ITCH: variants seen among roughly 807,000 people sequenced by gnomAD.
ITCH encodes E3 ubiquitin-protein ligase Itchy homolog.
Under a neutral mutation model 126.8 loss-of-function variants are expected in ITCH, and 28 were observed. That is an observed-to-expected ratio of 0.22 (90% CI 0.16 to 0.30). ITCH has a LOEUF of 0.30. ITCH is among the 10% of genes least tolerant of loss of function. The pLI, the probability that ITCH is intolerant of heterozygous loss-of-function variation, is 1.00. For missense variants in ITCH, 631 were observed against 1,032.4 expected (o/e 0.61, Z 5.33); for synonymous variants, 342 against 340.0 (o/e 1.01, Z -0.06).
intron 2 of ITCH, among the ~76,000 whole-genome samples, chr20:34,387,336 T>A (rs1217599852): frequency 1.3e-5 from 2 of 150,982 alleles, no homozygotes; most frequent in African/African-American, 4.9e-5. Flanking sequence ...AAGTGCTAAG[T>A]ATTGACCCAG....
chr20:34,457,057 G>A (rs6058051), intron 12 of ITCH, among the ~76,000 whole-genome samples: 67,979 of 151,850 alleles, frequency 0.45, 15,772 homozygotes, highest in Non-Finnish European at 0.5. Flanking sequence ...TACCCTATGG[G>A]ACTATTAAGA....
At chr20:34,500,999 G>A (rs1360212320) in intron 23 of ITCH, among the ~76,000 whole-genome samples, 3 of 152,178 alleles carry the variant, frequency 2.0e-5, no homozygotes, top group African/African-American at 7.2e-5. Context: ...ATGTCTGAAG[G>A]ATGGTTTTGC....
intron 21 of ITCH, 38 bp from the exon 22 acceptor site, chr20:34,489,784 T>C (rs1224151870): frequency 1.4e-6 from 2 of 1,387,406 alleles, no homozygotes; most frequent in South Asian, 1.2e-5. Context: ...TTTTGTACAG[T>C]TACCTTAGGA....
intron 23 of ITCH, among the ~76,000 whole-genome samples, chr20:34,496,672 G>A (rs965360046): frequency 3.2e-4 from 48 of 151,750 alleles, no homozygotes; most frequent in Non-Finnish European, 1.3e-4. Context: ...GCGTGGTGGC[G>A]CGTGCCTGTC....
intron 23 of ITCH, among the ~76,000 whole-genome samples, chr20:34,496,353 G>T (rs1310238614): frequency 1.3e-5 from 2 of 152,040 alleles, no homozygotes; most frequent in African/African-American, 4.8e-5. Flanking sequence ...GATATTCTTT[G>T]TTGGATGAAT....
chr20:34,503,756 C>T (rs926804219), intron 23 of ITCH, among the ~76,000 whole-genome samples: 3 of 151,438 alleles, frequency 2.0e-5, no homozygotes, highest in Non-Finnish European at 4.4e-5. Flanking sequence ...AACTTTTACA[C>T]TTACCAGAAT....
chr20:34,457,427 C>T lies in ITCH; in HGVS notation c.1248C>T (p.Val416=), dbSNP rs751077477. The change falls in exon 13 of 25, where the codon GTC becomes GTT. Residue 416 remains valine (V), a synonymous_variant. Coordinates refer to ENST00000374864, the MANE Select transcript of ITCH (RefSeq NM_031483.7). ...RTDSNGRVYF[V]NHNTRITQWE... ...ACAGCAATGGCAGAGTATATTTCGTCAACCACAACACACGAATTACACAAT... is the reference window on the plus strand; with the variant it reads ...ACAGCAATGGCAGAGTATATTTCGTTAACCACAACACACGAATTACACAAT... 2 of 1,613,828 alleles carry T rather than the reference C, an allele frequency of 1.2e-6. No individual in the cohort carries two copies. Among genetic ancestry groups the T allele is most frequent in the South Asian group, 1.1e-5 (1 of 91,040 alleles).
intron 12 of ITCH, 70 bp downstream of exon 12, chr20:34,449,550 A>G: frequency 9.5e-7 from 1 of 1,057,312 alleles, no homozygotes; most frequent in Non-Finnish European, 1.5e-6. Flanking sequence ...GTGTCATTTT[A>G]AAACAGATAT....
intron 3 of ITCH, among the ~76,000 whole-genome samples, chr20:34,398,707 C>T (rs2038764214): frequency 6.6e-6 from 1 of 152,068 alleles, no homozygotes; most frequent in Non-Finnish European, 1.5e-5. Flanking sequence ...CTTAAATATT[C>T]TCTTTTTTAT....
At chr20:34,507,284 T>TG (rs1280984031) in intron 24 of ITCH, among the ~76,000 whole-genome samples, 5 of 99,550 alleles carry the variant, frequency 5.0e-5, no homozygotes, top group African/African-American at 1.7e-4. Flanking sequence ...TTTTTTTTTT[T>TG]TTTTTGGTTG....
chr20:34,406,707 TG>T (rs1445420997), intron 3 of ITCH, among the ~76,000 whole-genome samples: 1 of 152,018 alleles, frequency 6.6e-6, no homozygotes, highest in African/African-American at 2.4e-5. Context: ...GCTAATTTTT[TG>T]TATTTTTAGT....
rs192437613 is a variant in ITCH at position 34,401,119 on chromosome 20, T to G, written c.70+7238T>G. 1.8e-4 allele frequency among the ~76,000 whole-genome samples: 28 copies of G among 152,280 alleles called. No individual in the cohort carries two copies. The East Asian group carries it at 4.6e-3, about 25-fold the overall frequency. ...GTGTTGCCCAGGCTGGTCTTGGATGTTTTGAATCAGCTCTTCGTTTCTTCT... is the reference window on the plus strand; with the variant it reads ...GTGTTGCCCAGGCTGGTCTTGGATGGTTTGAATCAGCTCTTCGTTTCTTCT... On this transcript the variant is annotated intron_variant, in intron 3 of 24. Coordinates refer to ENST00000374864, the MANE Select transcript of ITCH (RefSeq NM_031483.7).
intron 14 of ITCH, among the ~76,000 whole-genome samples, chr20:34,462,771 T>G (rs1465568239): frequency 6.6e-6 from 1 of 152,232 alleles, no homozygotes; most frequent in South Asian, 2.1e-4. Flanking sequence ...AACAATAACT[T>G]TAGCAGACCT....
chr20:34,466,403 C>G (rs760846689), intron 14 of ITCH: 7 of 531,318 alleles, frequency 1.3e-5, no homozygotes, highest in Non-Finnish European at 2.3e-5. Context: ...TTTCTTAGAG[C>G]AAAGATGGTT....
At chr20:34,425,329 G>A (rs1322743746) in intron 7 of ITCH, among the ~76,000 whole-genome samples, 2 of 152,166 alleles carry the variant, frequency 1.3e-5, no homozygotes, top group Non-Finnish European at 2.9e-5. Flanking sequence ...GAAAGCCTGG[G>A]TATTGTCCAA....
intron 7 of ITCH, among the ~76,000 whole-genome samples, chr20:34,436,545 A>G (rs1983030184): frequency 6.6e-6 from 1 of 152,232 alleles, no homozygotes; most frequent in Non-Finnish European, 1.5e-5. Context: ...CATGTTCTGC[A>G]GGTAGTCAAC....
chr20:34,414,457 CTTTTTTTT>C (rs770240058), intron 6 of ITCH, among the ~76,000 whole-genome samples: 22 of 70,826 alleles, frequency 3.1e-4, no homozygotes, highest in East Asian at 2.2e-3. Context: ...ACTTTAAATC[CTTTTTTTT>C]TTTTTTTTTT....
chr20:34,393,666 T>C (rs2038565145), intron 2 of ITCH, 125 bp from the exon 3 acceptor site: 1 of 724,310 alleles, frequency 1.4e-6, no homozygotes, highest in East Asian at 2.6e-5. Context: ...AATTGAAAAT[T>C]GTGTTTAGTA....
intron 17 of ITCH, 37 bp downstream of exon 17, chr20:34,477,897 T>C: frequency 6.2e-7 from 1 of 1,612,544 alleles, no homozygotes; most frequent in Non-Finnish European, 8.5e-7. Flanking sequence ...TTAGTTCCTT[T>C]CCTCCAAAGG....
Sources: allele counts gnomAD v4.1 joint callset (sites outside exome capture counted in the v4.1 genomes callset), GRCh38; gene constraint gnomAD v4.1.1; transcripts MANE v1.5; gene names NCBI Gene and HGNC (gene_info 2026-07-23, HGNC 2026-07-21).